Variants in NLGN1 observed in about 807,000 individuals in gnomAD.
NLGN1 encodes the protein neuroligin 1, also known as neuroligin-1.
In NLGN1, 12 loss-of-function variants were observed where a neutral mutation model predicts 65.5. That is an observed-to-expected ratio of 0.18 (90% CI 0.12 to 0.30). NLGN1 has a LOEUF of 0.30. Ranked by LOEUF, NLGN1 falls within the 10% of genes least tolerant of loss-of-function variation. The pLI is 1.00. For missense variants in NLGN1, 750 were observed against 1,007.1 expected (o/e 0.74, Z 3.46); for synonymous variants, 350 against 359.5 (o/e 0.97, Z 0.30).
intron 2 of NLGN1, among the ~76,000 whole-genome samples, chr3:173,474,693 C>T (rs1725887205): frequency 6.6e-6 from 1 of 152,136 alleles, no homozygotes; most frequent in Non-Finnish European, 1.5e-5. Flanking sequence ...GGTGCAGTTG[C>T]TCACAACTGT....
At chr3:174,270,643 T>G (rs1749226724) in intron 4 of NLGN1, among the ~76,000 whole-genome samples, 1 of 151,764 alleles carries the variant, frequency 6.6e-6, no homozygotes, top group Non-Finnish European at 1.5e-5. Context: ...GCTGAAAGTT[T>G]GGAGGTTAAT....
intron 4 of NLGN1, among the ~76,000 whole-genome samples, chr3:173,833,550 C>T (rs1723013628): frequency 6.6e-6 from 1 of 151,766 alleles, no homozygotes. Context: ...GATCATTTCC[C>T]ACTTTCTTGT....
intron 2 of NLGN1, among the ~76,000 whole-genome samples, chr3:173,551,560 A>T (rs888475492): frequency 1.3e-5 from 2 of 152,260 alleles, no homozygotes; most frequent in Non-Finnish European, 2.9e-5. Context: ...ACATTTAAAA[A>T]AATCATTTTT....
At chr3:174,248,737 G>A (rs1378013427) in intron 4 of NLGN1, among the ~76,000 whole-genome samples, 1 of 152,164 alleles carries the variant, frequency 6.6e-6, no homozygotes, top group Admixed American at 6.5e-5. Flanking sequence ...CTGTAGCCTG[G>A]GCAACGGAGT....
At chr3:173,832,178 G>A (rs765954359) in intron 4 of NLGN1, among the ~76,000 whole-genome samples, 54 of 151,050 alleles carry the variant, frequency 3.6e-4, no homozygotes, top group Non-Finnish European at 6.9e-4. Flanking sequence ...TGCCCAGTCT[G>A]GTCTTGAACT....
chr3:174,199,559 C>A (rs532164487), intron 4 of NLGN1, among the ~76,000 whole-genome samples: 1 of 151,768 alleles, frequency 6.6e-6, no homozygotes, highest in Non-Finnish European at 1.5e-5. Flanking sequence ...TCAAGAGGAT[C>A]CTCTCAATGG....
intron 2 of NLGN1, among the ~76,000 whole-genome samples, chr3:173,551,588 G>A (rs13318349): frequency 0.57 from 85,895 of 151,984 alleles, 24,230 homozygotes; most frequent in East Asian, 0.8. Context: ...CATGTACTCC[G>A]AACGTACTAT....
chr3:173,457,363 G>A (rs951102101), intron 2 of NLGN1, among the ~76,000 whole-genome samples: 1 of 152,096 alleles, frequency 6.6e-6, no homozygotes, highest in Non-Finnish European at 1.5e-5. Flanking sequence ...CCACATAAGT[G>A]TAGGGGGTGA....
intron 2 of NLGN1, among the ~76,000 whole-genome samples, chr3:173,457,793 G>T (rs1722745778): frequency 6.6e-6 from 1 of 152,032 alleles, no homozygotes; most frequent in South Asian, 2.1e-4. Flanking sequence ...AAAAAGAAAA[G>T]AACTAAAGAT....
chr3:173,561,356 C>A (rs545910693), intron 2 of NLGN1, among the ~76,000 whole-genome samples: 1 of 152,138 alleles, frequency 6.6e-6, no homozygotes, highest in Non-Finnish European at 1.5e-5. Flanking sequence ...TGACTTCTAG[C>A]GTCTGCCTCC....
chr3:173,434,249 A>G (rs1156376527), intron 1 of NLGN1, among the ~76,000 whole-genome samples: 1 of 152,218 alleles, frequency 6.6e-6, no homozygotes, highest in Non-Finnish European at 1.5e-5. Flanking sequence ...CTTTAAAAGT[A>G]GCAAAAAGTA....
chr3:174,037,460 A>G (rs943961993), intron 4 of NLGN1, among the ~76,000 whole-genome samples: 3 of 152,202 alleles, frequency 2.0e-5, no homozygotes, highest in Admixed American at 2.0e-4. Context: ...GGAGAAAACT[A>G]TCTTTTGATG....
At chr3:174,187,475 A>C (rs889857499) in intron 4 of NLGN1, among the ~76,000 whole-genome samples, 68 of 152,134 alleles carry the variant, frequency 4.5e-4, no homozygotes, top group Non-Finnish European at 3.4e-4. Context: ...ATGCTTAGCC[A>C]ATGCCTGATT....
intron 2 of NLGN1, among the ~76,000 whole-genome samples, chr3:173,539,129 A>G (rs1025160761): frequency 2.0e-5 from 3 of 152,036 alleles, no homozygotes; most frequent in Admixed American, 2.0e-4. Flanking sequence ...GGTGTCCCAC[A>G]GAGGTCCTGT....
intron 4 of NLGN1, among the ~76,000 whole-genome samples, chr3:174,022,888 T>C (rs1046015783): frequency 6.6e-6 from 1 of 152,146 alleles, no homozygotes; most frequent in African/African-American, 2.4e-5. Context: ...CTTTTAGAGC[T>C]GGGTGTTGCT....
intron 4 of NLGN1, among the ~76,000 whole-genome samples, chr3:173,875,901 C>G (rs1560538955): frequency 6.6e-6 from 1 of 151,968 alleles, no homozygotes; most frequent in African/African-American, 2.4e-5. Flanking sequence ...TATAACTACT[C>G]AGAAAGAAGT....
At chr3:173,823,172 C>T (rs1720662673) in intron 4 of NLGN1, among the ~76,000 whole-genome samples, 1 of 151,984 alleles carries the variant, frequency 6.6e-6, no homozygotes, top group Non-Finnish European at 1.5e-5. Flanking sequence ...TTAGTCTAAA[C>T]TTGAATCTGT....
chr3:173,872,358 G>A (rs1280949077), intron 4 of NLGN1, among the ~76,000 whole-genome samples: 1 of 152,176 alleles, frequency 6.6e-6, no homozygotes, highest in Non-Finnish European at 1.5e-5. Context: ...AGTGTAGTCT[G>A]AACTAAAATG....
At chr3:173,445,374 C>A (rs1161095119) in intron 2 of NLGN1, among the ~76,000 whole-genome samples, 1 of 151,282 alleles carries the variant, frequency 6.6e-6, no homozygotes, top group African/African-American at 2.4e-5. Flanking sequence ...AGTAAAATGA[C>A]CTGTTCCTTA....
Sources: allele counts gnomAD v4.1 joint callset (sites outside exome capture counted in the v4.1 genomes callset), GRCh38; gene constraint gnomAD v4.1.1; transcripts MANE v1.5; gene names NCBI Gene and HGNC (gene_info 2026-07-23, HGNC 2026-07-21).